The following KCNAB2 variants were observed in gnomAD, a reference collection of about 807,000 sequenced individuals.
KCNAB2 encodes voltage-gated potassium channel subunit beta-2.
Under a neutral mutation model 63.6 loss-of-function variants are expected in KCNAB2, and 29 were observed. The ratio of observed to expected loss-of-function variants is 0.46; its 90% CI spans 0.34 to 0.62. The LOEUF (loss-of-function observed/expected upper bound fraction) is 0.62. Among genes scored for constraint, KCNAB2 ranks in the 20% least tolerant of loss-of-function variants. KCNAB2 has a pLI of 0.01. For synonymous variants in KCNAB2, 222 were observed against 224.2 expected, an observed-to-expected ratio of 0.99 and a Z score of 0.09; for missense variants, 359 against 563.9, an observed-to-expected ratio of 0.64 and a Z score of 3.68.
intron 5 of KCNAB2, among the ~76,000 whole-genome samples, chr1:6,084,645 G>C (rs543018108): frequency 6.6e-6 from 1 of 152,028 alleles, no homozygotes; most frequent in Non-Finnish European, 1.5e-5. Flanking sequence ...GTGAAACCCC[G>C]TCTCTACTAA....
intron 15 of KCNAB2, 148 bp downstream of exon 15, chr1:6,097,505 C>T: frequency 2.8e-6 from 4 of 1,418,988 alleles, no homozygotes; most frequent in Non-Finnish European, 3.8e-6. Flanking sequence ...TCCTGGAGAG[C>T]TTGCTTTCCA....
In KCNAB2 at chr1:6,086,804, C is replaced by G. The variant is rs1664737156; in HGVS notation, c.426-663C>G. 6.6e-6 allele frequency among the ~76,000 whole-genome samples: 1 copy of G among 152,154 alleles called. No individual in the cohort carries two copies. Among genetic ancestry groups the G allele is most frequent in the Admixed American group, 6.5e-5 (1 of 15,278 alleles). On this transcript the variant is annotated intron_variant, in intron 6 of 15. Transcript: ENST00000378083. The surrounding 1 kb of genome is among the most constrained non-coding windows in gnomAD (Gnocchi z 4.2). Reference sequence around the variant, plus strand: ...TACTCAAACCCAGAACCCCACTGGCCTGGCCACACTTGGGCTCCCTATGCC... The same window carrying G: ...TACTCAAACCCAGAACCCCACTGGCGTGGCCACACTTGGGCTCCCTATGCC...
chr1:6,031,420 TGTG>T (rs1376046756), upstream of KCNAB2, among the ~76,000 whole-genome samples: 1 of 152,172 alleles, frequency 6.6e-6, no homozygotes, highest in African/African-American at 2.4e-5. The surrounding 1 kb of genome is among the most constrained non-coding windows in gnomAD (Gnocchi z 4.1). Flanking sequence ...ACAGAGAAAT[TGTG>T]GTCCCAGGCC....
chr1:6,034,797 A>G (rs1214809882), intron 1 of KCNAB2: 8 of 152,294 alleles, frequency 5.3e-5, no homozygotes, highest in African/African-American at 1.9e-4. Context: ...TCACAGAGGT[A>G]TCCATCCACT....
upstream of KCNAB2, chr1:6,041,817 A>G (rs1400819757): frequency 4.3e-6 from 7 of 1,611,398 alleles, no homozygotes; most frequent in East Asian, 2.2e-5. Flanking sequence ...TCTTTTCTCC[A>G]TTGCTGTCCG....
chr1:6,028,841 A>G lies in KCNAB2; in HGVS notation c.-52-11676A>G, dbSNP rs1255028141. ...AGTCCAAGTTGCCTGGCAAATAGAT[A>G]AGGAATACAAGGTGATCATTCTTAA... On this transcript the variant is annotated intron_variant, in intron 1 of 16. Coordinates refer to the KCNAB2 transcript ENST00000341524. This position sits in a 1 kb window ranked among gnomAD's most constrained non-coding sequence, Gnocchi z 4.0. Among the ~76,000 whole-genome samples the G allele has an allele frequency of 2.0e-5, 3 of 152,190 alleles. No individual in the cohort carries two copies. Among genetic ancestry groups the G allele is most frequent in the Non-Finnish European group, 2.9e-5 (2 of 68,034 alleles).
rs557308608 is a variant in KCNAB2 at position 5,996,603 on chromosome 1, TC to T, written c.-53+3817del. Among the ~76,000 whole-genome samples, 231 of 152,348 alleles carry T rather than the reference TC, an allele frequency of 1.5e-3. 1 individual carries two copies. Among genetic ancestry groups the T allele is most frequent in the African/African-American group, 5.4e-3 (225 of 41,590 alleles). ...GGCACCTGTCTCCTTGCAGGCAGCCTCCTCCACTTCTCCAGCACACAGGTAC... is the reference window on the plus strand; with the variant it reads ...GGCACCTGTCTCCTTGCAGGCAGCCTCTCCACTTCTCCAGCACACAGGTAC... On this transcript the variant is annotated intron_variant, in intron 1 of 16. Coordinates refer to the KCNAB2 transcript ENST00000341524.
intron 1 of KCNAB2, among the ~76,000 whole-genome samples, chr1:5,999,032 C>T (rs1034628774): frequency 3.9e-5 from 6 of 152,240 alleles, no homozygotes; most frequent in African/African-American, 1.2e-4. Context: ...GCTGCTTAAC[C>T]GCAACTGCCA....
Position 6,036,516 on chromosome 1 carries a change from A to G in KCNAB2, c.-53+1722A>G, listed in dbSNP as rs144673196. 1.8e-4 allele frequency among the ~76,000 whole-genome samples: 27 copies of G among 152,338 alleles called. No homozygotes were observed. In the East Asian group the frequency reaches 5.2e-3, roughly 29 times the overall value. ...AGACTCTGTCTCAAAAAAAGAAAAAAGAAACTGTGTTTTTTGTTTTCTTTG... is the reference window on the plus strand; with the variant it reads ...AGACTCTGTCTCAAAAAAAGAAAAAGGAAACTGTGTTTTTTGTTTTCTTTG... On this transcript the variant is annotated intron_variant, in intron 1 of 15. Coordinates refer to the KCNAB2 transcript ENST00000164247.
rs1002876345 is a variant in KCNAB2 at position 6,089,197 on chromosome 1, C to G, written c.514+146C>G. 9 of 867,628 alleles carry G rather than the reference C, an allele frequency of 1.0e-5. No homozygotes were observed. The African/African-American group carries it at 1.5e-4, about 15-fold the overall frequency. The allele number at this position is 867,628 out of a possible 1,614,324, so 53.7% of individuals were successfully genotyped here. On this transcript the variant is annotated intron_variant, in intron 8 of 15. Coordinates refer to ENST00000378083, the MANE Select transcript of KCNAB2 (RefSeq NM_001199862.2). Reference sequence around the variant, plus strand: ...GCACCCGGTGCTCTGGCCTGACCTTCTCCTTCCACCCAGGTAGCACAGCGG... The same window carrying G: ...GCACCCGGTGCTCTGGCCTGACCTTGTCCTTCCACCCAGGTAGCACAGCGG...
intron 1 of KCNAB2, among the ~76,000 whole-genome samples, chr1:6,050,264 A>G (rs1028950765): frequency 6.6e-6 from 1 of 152,196 alleles, no homozygotes; most frequent in African/African-American, 2.4e-5. Context: ...CAGCTGACCC[A>G]GCTGAAATGG....
upstream of KCNAB2, among the ~76,000 whole-genome samples, chr1:6,033,859 T>C (rs1044448338): frequency 6.6e-6 from 1 of 152,216 alleles, no homozygotes; most frequent in Non-Finnish European, 1.5e-5. Context: ...TTCTAAATGC[T>C]CCATGCTTCA....
At chr1:6,056,235 G>A (rs1034092323) in intron 2 of KCNAB2, among the ~76,000 whole-genome samples, 1 of 152,014 alleles carries the variant, frequency 6.6e-6, no homozygotes, top group Non-Finnish European at 1.5e-5. Context: ...AGTAGAAACG[G>A]GGTTTCACCA....
At position 5,994,669 on chromosome 1, in the gene KCNAB2, T is replaced by C. The variant is rs915177119; in HGVS notation, c.-53+1881T>C. On this transcript the variant is annotated intron_variant, in intron 1 of 16. Coordinates refer to the KCNAB2 transcript ENST00000341524. The surrounding 1 kb of genome is among the most constrained non-coding windows in gnomAD (Gnocchi z 5.4). ...TGTGTTTCTTGGTTGAGAACCGTCT[T>C]GGGTCTGGATTTGGAGCCTGGATGG... Among the ~76,000 whole-genome samples, 6 of 152,234 alleles carry C rather than the reference T, an allele frequency of 3.9e-5. No individual in the cohort carries two copies. Among genetic ancestry groups the C allele is most frequent in the Middle Eastern group, 3.4e-3 (1 of 294 alleles).
chr1:6,039,507 G>A (rs543792386), intron 1 of KCNAB2, among the ~76,000 whole-genome samples: 13 of 152,256 alleles, frequency 8.5e-5, no homozygotes, highest in African/African-American at 2.9e-4. Flanking sequence ...CTGGATATTG[G>A]CAGCCATACT....
intron 1 of KCNAB2, among the ~76,000 whole-genome samples, chr1:6,051,192 C>T (rs1661352308): frequency 6.6e-6 from 1 of 152,254 alleles, no homozygotes; most frequent in Non-Finnish European, 1.5e-5. Flanking sequence ...GCTCTCTGTG[C>T]TCCCGTTTTC....
At chr1:5,995,055 T>C (rs1656868783) in intron 1 of KCNAB2, among the ~76,000 whole-genome samples, 1 of 152,154 alleles carries the variant, frequency 6.6e-6, no homozygotes, top group African/African-American at 2.4e-5. Context: ...GCGGTATGTG[T>C]CTGGTCCTCG....
upstream of KCNAB2, chr1:6,045,876 C>T (rs1660878935): frequency 1.0e-6 from 1 of 985,276 alleles, no homozygotes. This position sits in a 1 kb window ranked among gnomAD's most constrained non-coding sequence, Gnocchi z 4.8. Flanking sequence ...CACCCCAACC[C>T]CACGCACCGG....
At chr1:6,015,181 G>A (rs963436049) in intron 1 of KCNAB2, among the ~76,000 whole-genome samples, 10 of 151,924 alleles carry the variant, frequency 6.6e-5, no homozygotes, top group African/African-American at 1.2e-4. Context: ...ACAGGTGCCC[G>A]CCACCATGCC....
Sources: allele counts gnomAD v4.1 joint callset (sites outside exome capture counted in the v4.1 genomes callset), GRCh38; gene constraint gnomAD v4.1.1; non-coding constraint Gnocchi (gnomAD v3.1); transcripts MANE v1.5; gene names NCBI Gene and HGNC (gene_info 2026-07-23, HGNC 2026-07-21).